TAB2: variants seen among roughly 807,000 people sequenced by gnomAD.
The protein encoded by TAB2 is TGF-beta-activated kinase 1 and MAP3K7-binding protein 2.
TAB2 carries 3 observed loss-of-function variants against 65.0 expected under a neutral mutation model. That is an observed-to-expected ratio of 0.05 (90% CI 0.02 to 0.12). The LOEUF (loss-of-function observed/expected upper bound fraction) is 0.12, where lower values mean the gene tolerates loss of function less well. Ranked by LOEUF, TAB2 falls within the 10% of genes least tolerant of loss-of-function variation. TAB2 has a pLI of 1.00. For missense variants in TAB2, 623 were observed against 840.3 expected (o/e 0.74, Z 3.20); for synonymous variants, 298 against 285.1 (o/e 1.05, Z -0.46).
chr6:149,272,829 G>A (rs1487622455), intron 1 of TAB2, among the ~76,000 whole-genome samples: 1 of 152,136 alleles, frequency 6.6e-6, no homozygotes, highest in African/African-American at 2.4e-5. Context: ...AAAATCTTTG[G>A]CAATATCTGA....
chr6:149,340,170 G>A (rs1020071318), intron 1 of TAB2, among the ~76,000 whole-genome samples: 4 of 152,146 alleles, frequency 2.6e-5, no homozygotes, highest in Non-Finnish European at 5.9e-5. Context: ...ATTTAAAGGA[G>A]ATTCTCCTTA....
At chr6:149,343,025 C>T (rs1461629388) in intron 1 of TAB2, among the ~76,000 whole-genome samples, 1 of 152,100 alleles carries the variant, frequency 6.6e-6, no homozygotes, top group African/African-American at 2.4e-5. Flanking sequence ...TCTAATTTAA[C>T]TTGTTTGCTA....
In TAB2 at chr6:149,378,477, G is replaced by T; in HGVS notation, c.562G>T (p.Gly188Cys). The change falls in exon 3 of 7, where the codon GGT becomes TGT. Residue 188 changes from glycine to cysteine, a missense_variant. Around this residue, in one of 3 missense-constraint regions of TAB2, gnomAD observed 550 missense variants for 665.7 expected, o/e 0.83. Coordinates refer to ENST00000637181, the MANE Select transcript of TAB2 (RefSeq NM_001292034.3). ...AACTTTAGCCCCAAATATCCAGACT[G>T]GTCGTAATACTCCTACATCTTTGCA... is the stretch of plus-strand genomic sequence containing the variant. Reference protein sequence around the residue: ...MVTLAPNIQTGRNTPTSLHIH... With the variant: ...MVTLAPNIQTCRNTPTSLHIH... 5.0e-6 allele frequency: 8 copies of T among 1,614,158 alleles called. No homozygotes were observed. The highest frequency in any genetic ancestry group is 6.8e-6 in the Non-Finnish European group (8 of 1,180,036).
At chr6:149,284,645 T>TACACACACAC (rs59723819) in intron 1 of TAB2, among the ~76,000 whole-genome samples, 21 of 141,524 alleles carry the variant, frequency 1.5e-4, no homozygotes, top group African/African-American at 3.4e-4. Flanking sequence ...ATGATCTCTT[T>TACACACACAC]ACACACACAC....
At position 149,303,370 on chromosome 6, in the gene TAB2, G is replaced by A. The variant is rs74917268; in HGVS notation, c.-120-74648G>A. On this transcript the variant is annotated intron_variant, in intron 1 of 1. Transcript: ENST00000606202. ...CCTAGTGCTAAAAATGTTGAGGACC[G>A]TTGCATCTAATCATGTCTTGATGTC... is the stretch of plus-strand genomic sequence containing the variant. 3.4e-4 allele frequency among the ~76,000 whole-genome samples: 52 copies of A among 152,284 alleles called. 1 individual carries two copies. The East Asian group carries it at 6.8e-3, about 20-fold the overall frequency.
chr6:149,258,684 G>A (rs1479610271), intron 1 of TAB2, among the ~76,000 whole-genome samples: 2 of 152,176 alleles, frequency 1.3e-5, no homozygotes, highest in Non-Finnish European at 2.9e-5. Flanking sequence ...GTCTGATAAA[G>A]AAATTACCAT....
chr6:149,222,800 C>T (rs1475400943), intron 1 of TAB2, among the ~76,000 whole-genome samples: 1 of 152,040 alleles, frequency 6.6e-6, no homozygotes, highest in Non-Finnish European at 1.5e-5. Context: ...GGCAGCAGCG[C>T]AAGACTGTGT....
intron 1 of TAB2, among the ~76,000 whole-genome samples, chr6:149,326,957 T>C (rs1374629939): frequency 6.6e-6 from 1 of 152,204 alleles, no homozygotes; most frequent in African/African-American, 2.4e-5. Context: ...TCACTTAATA[T>C]CAGTAATAAT....
At chr6:149,368,566 T>G (rs1463759813) in intron 1 of TAB2, among the ~76,000 whole-genome samples, 1 of 152,080 alleles carries the variant, frequency 6.6e-6, no homozygotes, top group African/African-American at 2.4e-5. Context: ...CTTAAATTAT[T>G]TTAAATGTCC....
chr6:149,301,680 G>A (rs780813216), intron 1 of TAB2, among the ~76,000 whole-genome samples: 1 of 152,126 alleles, frequency 6.6e-6, no homozygotes, highest in African/African-American at 2.4e-5. Context: ...TCATTTGAAT[G>A]TTTCCACATA....
chr6:149,315,768 G>A (rs1228907893), upstream of TAB2, among the ~76,000 whole-genome samples: 2 of 152,190 alleles, frequency 1.3e-5, no homozygotes, highest in Non-Finnish European at 2.9e-5. Context: ...GGGTTTGTCT[G>A]ATGCTTCCTC....
chr6:149,277,089 C>T (rs1467785480), intron 1 of TAB2, among the ~76,000 whole-genome samples: 1 of 152,162 alleles, frequency 6.6e-6, no homozygotes, highest in East Asian at 1.9e-4. Context: ...TCCTCCTTGC[C>T]TTCTACCGTG....
At chr6:149,223,595 TG>T (rs1369375990) in intron 1 of TAB2, among the ~76,000 whole-genome samples, 1 of 152,222 alleles carries the variant, frequency 6.6e-6, no homozygotes, top group Non-Finnish European at 1.5e-5. Flanking sequence ...GTCCCCATTA[TG>T]CAGGTTTTCT....
intron 1 of TAB2, among the ~76,000 whole-genome samples, chr6:149,239,264 G>A (rs896781323): frequency 6.6e-6 from 1 of 152,194 alleles, no homozygotes; most frequent in African/African-American, 2.4e-5. Context: ...ACTGGGCCTA[G>A]CCTCTTGGTC....
Position 149,287,487 on chromosome 6 carries a change from T to TA in TAB2, c.-121+68711_-121+68712insA, listed in dbSNP as rs199867918. Among the ~76,000 whole-genome samples the TA allele has an allele frequency of 8.1e-3, 1,151 of 142,712 alleles. 19 individuals carry two copies. Among genetic ancestry groups the TA allele is most frequent in the African/African-American group, 0.029 (1,096 of 38,234 alleles). The allele number at this position is 142,712 out of a possible 152,430, so 93.6% of individuals were successfully genotyped here. On this transcript the variant is annotated intron_variant, in intron 1 of 1. Coordinates refer to the TAB2 transcript ENST00000606202. Reference sequence around the variant, plus strand: ...ACAAGCAAACTTTGTTTTCTGTTTTTTTTTTTAAAAAGAAAGTATTAGAAA... The same window carrying TA: ...ACAAGCAAACTTTGTTTTCTGTTTTTATTTTTTAAAAAGAAAGTATTAGAAA...
At chr6:149,296,633 A>C (rs1439605639) in intron 1 of TAB2, among the ~76,000 whole-genome samples, 2 of 152,234 alleles carry the variant, frequency 1.3e-5, no homozygotes, top group African/African-American at 4.8e-5. Context: ...GTTCTCACAT[A>C]AGTTATTATT....
At chr6:149,279,116 C>T (rs1778527678) in intron 1 of TAB2, among the ~76,000 whole-genome samples, 1 of 152,134 alleles carries the variant, frequency 6.6e-6, no homozygotes, top group Admixed American at 6.5e-5. Flanking sequence ...GGCTCCTGCC[C>T]ACATCACTCC....
intron 5 of TAB2, among the ~76,000 whole-genome samples, chr6:149,398,585 T>G (rs1329542340): frequency 6.6e-6 from 1 of 152,156 alleles, no homozygotes; most frequent in Non-Finnish European, 1.5e-5. Context: ...ATTAAGCTAT[T>G]TATCTTTAAA....
At chr6:149,366,976 A>G (rs1167894530) in intron 1 of TAB2, among the ~76,000 whole-genome samples, 1 of 151,584 alleles carries the variant, frequency 6.6e-6, no homozygotes, top group Non-Finnish European at 1.5e-5. Flanking sequence ...TCAAATCTAG[A>G]TCATTTGAAA....
Sources: gnomAD v4.1 joint callset for allele counts (sites outside exome capture counted in the v4.1 genomes callset) on GRCh38, gnomAD v4.1.1 for gene constraint, gnomAD v4.1.1 regional missense constraint, MANE v1.5 for transcripts, NCBI Gene and HGNC (gene_info 2026-07-23, HGNC 2026-07-21) for gene names.